The following ATP11C variants were observed in gnomAD, a reference collection of about 807,000 sequenced individuals.
The protein encoded by ATP11C is phospholipid-transporting ATPase IG.
Under a neutral mutation model 97.4 loss-of-function variants are expected in ATP11C, and 36 were observed. The ratio of observed to expected loss-of-function variants is 0.37; its 90% confidence interval spans 0.28 to 0.49. The LOEUF is 0.49. ATP11C is among the 20% of genes least tolerant of loss of function. The pLI, the probability that ATP11C is intolerant of heterozygous loss-of-function variation, is 0.98. For synonymous variants in ATP11C, 275 were observed against 290.9 expected (o/e 0.95, Z 0.56); for missense variants, 730 against 824.6 (o/e 0.89, Z 1.40).
intron 20 of ATP11C, among the ~76,000 whole-genome samples, chrX:139,765,545 G>A (rs2082119453): frequency 8.9e-6 from 1 of 112,238 alleles, no homozygotes; most frequent in South Asian, 3.7e-4. Context: ...AAGGACGAGT[G>A]ATTTGATCTA....
chrX:139,927,593 A>G (rs948769559), intron 1 of ATP11C, among the ~76,000 whole-genome samples: 1 of 111,023 alleles, frequency 9.0e-6, no homozygotes, highest in Non-Finnish European at 1.9e-5. Flanking sequence ...GACAAGAGTA[A>G]GACTCTGTCT....
chrX:139,879,594 G>A (rs774787982), intron 1 of ATP11C, among the ~76,000 whole-genome samples: 1 of 111,831 alleles, frequency 8.9e-6, no homozygotes, highest in South Asian at 3.7e-4. Flanking sequence ...TGTACACCAT[G>A]GGTGGTATTA....
chrX:139,809,673 G>GTA (rs1460443226), intron 5 of ATP11C, among the ~76,000 whole-genome samples: 1 of 112,138 alleles, frequency 8.9e-6, no homozygotes, highest in Admixed American at 9.4e-5. Context: ...CTTAAAAATG[G>GTA]TTAAATGGGG....
chrX:139,909,071 A>T (rs966632472), intron 1 of ATP11C, among the ~76,000 whole-genome samples: 2 of 111,926 alleles, frequency 1.8e-5, no homozygotes, highest in Non-Finnish European at 3.8e-5. Context: ...CACATGGAAC[A>T]ATCTGGGGGT....
chrX:139,925,728 G>A (rs1008957197), intron 1 of ATP11C, among the ~76,000 whole-genome samples: 1 of 110,977 alleles, frequency 9.0e-6, no homozygotes, highest in African/African-American at 3.3e-5. Flanking sequence ...TAATAGAGAC[G>A]TCTAAAAAAC....
At chrX:139,931,159 C>G (rs2085426278) in intron 1 of ATP11C, among the ~76,000 whole-genome samples, 1 of 112,027 alleles carries the variant, frequency 8.9e-6, no homozygotes, top group African/African-American at 3.3e-5. Flanking sequence ...CTTAATGTAC[C>G]CTCTAGGAGT....
Position 139,757,804 on chromosome X carries a change from A to G in ATP11C, c.2700+4T>C. The stretch of plus-strand genomic sequence containing the variant: ...TATTATAACGAATAACTTGAGAAAC[A>G]AACCTGTTGTGAGAATCCACAGAAG... On this transcript the variant is annotated splice_donor_region_variant and intron_variant, in intron 23 of 29. Coordinates refer to ENST00000682941, the MANE Select transcript of ATP11C (RefSeq NM_001353812.2). 1 of 1,174,904 alleles carries G rather than the reference A, an allele frequency of 8.5e-7. No homozygotes were observed. Among genetic ancestry groups the G allele is most frequent in the Non-Finnish European group, 1.1e-6 (1 of 872,407 alleles).
At chrX:139,744,131 T>C (rs1384269931) in intron 25 of ATP11C, among the ~76,000 whole-genome samples, 1 of 110,993 alleles carries the variant, frequency 9.0e-6, no homozygotes, top group East Asian at 2.8e-4. Context: ...AAAAAGCAGA[T>C]ACCATGTATA....
chrX:139,896,547 AC>A (rs1322777763), intron 1 of ATP11C, among the ~76,000 whole-genome samples: 2 of 3,191 alleles, frequency 6.3e-4, no homozygotes, highest in African/African-American at 2.9e-3. Context: ...TTAATTTTAT[AC>A]ACACACACAC....
At chrX:139,830,743 G>A (rs1163029887) in intron 1 of ATP11C, among the ~76,000 whole-genome samples, 1 of 111,728 alleles carries the variant, frequency 9.0e-6, no homozygotes, top group African/African-American at 3.3e-5. Context: ...ATTTAAAATG[G>A]TTCTCCACTC....
At chrX:139,755,217 A>G (rs1199347931) in intron 23 of ATP11C, among the ~76,000 whole-genome samples, 3 of 111,803 alleles carry the variant, frequency 2.7e-5, no homozygotes, top group Non-Finnish European at 5.6e-5. Flanking sequence ...CAAATCAGTA[A>G]CATAATCCCA....
chrX:139,784,652 G>A (rs1416028822), intron 16 of ATP11C, among the ~76,000 whole-genome samples: 4 of 111,042 alleles, frequency 3.6e-5, no homozygotes, highest in African/African-American at 1.3e-4. Flanking sequence ...CAGGATTACA[G>A]TACCAGTTCC....
At chrX:139,822,693 C>T (rs944311006) in intron 2 of ATP11C, among the ~76,000 whole-genome samples, 2 of 109,347 alleles carry the variant, frequency 1.8e-5, no homozygotes, top group Non-Finnish European at 3.8e-5. Flanking sequence ...GGATTACAGG[C>T]GTGAGCCACC....
intron 1 of ATP11C, among the ~76,000 whole-genome samples, chrX:139,928,266 T>C (rs1444487931): frequency 8.9e-6 from 1 of 112,051 alleles, no homozygotes; most frequent in African/African-American, 3.2e-5. Context: ...AACAGCCATG[T>C]GGGAGCCGAG....
chrX:139,764,189 C>T (rs1383485730), intron 20 of ATP11C, among the ~76,000 whole-genome samples: 1 of 112,204 alleles, frequency 8.9e-6, no homozygotes, highest in Non-Finnish European at 1.9e-5. Flanking sequence ...TAAATTATTG[C>T]ACCTATCTGG....
At chrX:139,934,177 T>C (rs992018802), upstream of ATP11C, among the ~76,000 whole-genome samples, 8 of 111,407 alleles carry the variant, frequency 7.2e-5, no homozygotes, top group African/African-American at 2.6e-4. Flanking sequence ...GCCCAGGACG[T>C]GTAGGTAAGG....
At chrX:139,735,127 G>A (rs762864658) in intron 28 of ATP11C, among the ~76,000 whole-genome samples, 45 of 111,855 alleles carry the variant, frequency 4.0e-4, no homozygotes, top group African/African-American at 1.4e-3. Flanking sequence ...ATTCATCCCT[G>A]AATTACCAAC....
intron 1 of ATP11C, among the ~76,000 whole-genome samples, chrX:139,832,575 T>A (rs2083673380): frequency 8.9e-6 from 1 of 112,554 alleles, no homozygotes; most frequent in Non-Finnish European, 1.9e-5. Context: ...TCTTTTCTAA[T>A]CCCTGCCTAC....
chrX:139,809,620 G>T (rs761250389), intron 5 of ATP11C, among the ~76,000 whole-genome samples: 40 of 112,274 alleles, frequency 3.6e-4, no homozygotes, highest in Non-Finnish European at 6.8e-4. Context: ...ACAACATTGT[G>T]AATGTACTTA....
Sources: allele counts gnomAD v4.1 joint callset (sites outside exome capture counted in the v4.1 genomes callset), GRCh38; gene constraint gnomAD v4.1.1; transcripts MANE v1.5; gene names NCBI Gene and HGNC (gene_info 2026-07-23, HGNC 2026-07-21).